The following ZNF787 variants were observed in gnomAD, a reference collection of about 807,000 sequenced individuals.
ZNF787 encodes TTF-I-interacting peptide 20.
In ZNF787, 7 loss-of-function variants were observed where a neutral mutation model predicts 16.9. The observed-to-expected ratio is 0.42, with a 90% CI of 0.24 to 0.78. The LOEUF (loss-of-function observed/expected upper bound fraction) is 0.78, where lower values mean the gene tolerates loss of function less well. ZNF787 is among the 30% of genes least tolerant of loss of function. The pLI, the probability that ZNF787 is intolerant of heterozygous loss-of-function variation, is 0.30. For missense variants in ZNF787, 551 were observed against 589.3 expected (o/e 0.94, Z 0.67); for synonymous variants, 345 against 270.9 (o/e 1.27, Z -2.69).
chr19:56,095,910 C>G (rs958374739), intron 2 of ZNF787, among the ~76,000 whole-genome samples: 1 of 152,194 alleles, frequency 6.6e-6, no homozygotes, highest in South Asian at 2.1e-4. Flanking sequence ...ATGCTAACAC[C>G]ACACAGGCCT....
At chr19:56,106,280 G>C (rs1458623029) in intron 1 of ZNF787, among the ~76,000 whole-genome samples, 1 of 152,196 alleles carries the variant, frequency 6.6e-6, no homozygotes, top group East Asian at 1.9e-4. Flanking sequence ...CTCCTCTCTC[G>C]GGCTGAACCC....
intron 2 of ZNF787, among the ~76,000 whole-genome samples, chr19:56,093,138 CAG>C (rs143321570): frequency 0.016 from 2,471 of 150,208 alleles, 67 homozygotes; most frequent in African/African-American, 0.057. Context: ...TCCATAGACA[CAG>C]GGGATGGCGG....
chr19:56,118,156 A>C (rs1323646495), intron 1 of ZNF787, among the ~76,000 whole-genome samples: 1 of 152,252 alleles, frequency 6.6e-6, no homozygotes, highest in African/African-American at 2.4e-5. Context: ...GGACAGGGCC[A>C]CTGACACTGG....
At chr19:56,120,996 C>T (rs1186156189) in intron 1 of ZNF787, among the ~76,000 whole-genome samples, 176 bp downstream of exon 1, 1 of 143,078 alleles carries the variant, frequency 7.0e-6, no homozygotes, top group Non-Finnish European at 1.5e-5. Flanking sequence ...GCACTCCCCC[C>T]GCCCGCGTCA....
At chr19:56,101,022 A>T (rs1986076591) in intron 2 of ZNF787, among the ~76,000 whole-genome samples, 1 of 121,358 alleles carries the variant, frequency 8.2e-6, no homozygotes, top group Admixed American at 8.4e-5. Context: ...CTCCACCCCC[A>T]CCTACGAAGT....
chr19:56,103,248 A>G, intron 1 of ZNF787, 21 bp from the exon 2 acceptor site: 1 of 1,526,986 alleles, frequency 6.5e-7, no homozygotes, highest in South Asian at 1.3e-5. Context: ...GGGATGAGAC[A>G]GAAGGACAGA....
intron 1 of ZNF787, among the ~76,000 whole-genome samples, chr19:56,113,698 C>CAGGG (rs1298854156): frequency 6.6e-6 from 1 of 151,940 alleles, no homozygotes; most frequent in East Asian, 1.9e-4. Context: ...CGCAGGGAGG[C>CAGGG]AGGGAGGCAG....
chr19:56,109,841 G>A (rs907638317), intron 1 of ZNF787, among the ~76,000 whole-genome samples: 2 of 151,900 alleles, frequency 1.3e-5, no homozygotes, highest in African/African-American at 2.4e-5. Context: ...CCGAGATCAC[G>A]CCACTGCACT....
chr19:56,103,395 T>C, intron 1 of ZNF787, 168 bp from the exon 2 acceptor site: 1 of 550,140 alleles, frequency 1.8e-6, no homozygotes, highest in Non-Finnish European at 3.0e-6. Flanking sequence ...GGAGCTAGCC[T>C]GGCCGCTCCC....
intron 1 of ZNF787, among the ~76,000 whole-genome samples, chr19:56,111,584 G>C (rs1005410606): frequency 6.6e-6 from 1 of 152,026 alleles, no homozygotes; most frequent in African/African-American, 2.4e-5. Flanking sequence ...GCCGGGGGCA[G>C]CAGAGGAGGG....
Position 56,100,863 on chromosome 19 carries a change from T to C in ZNF787, c.79+2276A>G, listed in dbSNP as rs138704347. 9.4e-3 allele frequency among the ~76,000 whole-genome samples: 1,113 copies of C among 118,570 alleles called. 95 individuals are homozygous for C. Among genetic ancestry groups the C allele is most frequent in the African/African-American group, 0.035 (1,027 of 29,516 alleles). 77.8% of individuals were successfully genotyped at this position (118,570 alleles called of 152,430 possible). On this transcript the variant is annotated intron_variant, in intron 2 of 2. Transcript: ENST00000610935. The stretch of plus-strand genomic sequence containing the variant: ...ACCTACGATGTCTGTCACTGTCACA[T>C]AGGAGGGACGCATGTAGGCGGGACT...
Position 56,088,389 on chromosome 19 carries a change from G to A in ZNF787, c.783C>T (p.Gly261=), listed in dbSNP as rs1420983621. The A allele has an allele frequency of 1.3e-5, 14 of 1,100,714 alleles. No homozygotes were observed. The highest frequency in any genetic ancestry group is 5.4e-5 in the East Asian group (1 of 18,444). The allele number at this position is 1,100,714 out of a possible 1,614,324, so 68.2% of individuals were successfully genotyped here. A position where few individuals can be genotyped will look rare whatever the true frequency, so the allele number is the denominator to read the frequency against. ...GGGGCCCCGCGGCCTTTGCCCCCGCGCCCGCCATGGCTGCCGCGGCCGCGG... is the reference window on the plus strand; with the variant it reads ...GGGGCCCCGCGGCCTTTGCCCCCGCACCCGCCATGGCTGCCGCGGCCGCGG... The part of the protein sequence containing the change: ...EGAAAAAAMA[G]AGAKAAGPRS... The change falls in exon 3 of 3, where the codon GGC becomes GGT. Residue 261 remains glycine, a synonymous_variant. Transcript: ENST00000610935. This position sits in a 1 kb window ranked among gnomAD's most constrained non-coding sequence, Gnocchi z 8.6.
chr19:56,102,367 T>C, intron 2 of ZNF787: 1 of 154,124 alleles, frequency 6.5e-6, no homozygotes, highest in Non-Finnish European at 1.4e-5. Context: ...GGGCCTGACA[T>C]GCAGACACAG....
intron 2 of ZNF787, among the ~76,000 whole-genome samples, chr19:56,099,033 C>T (rs982359680): frequency 6.6e-6 from 1 of 152,204 alleles, no homozygotes; most frequent in African/African-American, 2.4e-5. Context: ...AAGCGGCTCT[C>T]AGGAGAGAGG....
At chr19:56,089,162 C>A in intron 2 of ZNF787, 70 bp from the exon 3 acceptor site, 1 of 1,246,336 alleles carries the variant, frequency 8.0e-7, no homozygotes, top group Non-Finnish European at 1.1e-6. Context: ...TTGGCTGCTA[C>A]GCTGGCCTCG....
At chr19:56,112,707 TCCC>T (rs931393507) in intron 1 of ZNF787, among the ~76,000 whole-genome samples, 7 of 150,564 alleles carry the variant, frequency 4.6e-5, no homozygotes, top group Admixed American at 1.3e-4. Flanking sequence ...CTCCCTTCCT[TCCC>T]CCCAAGTCAT....
At chr19:56,094,065 C>T (rs1048097812) in intron 2 of ZNF787, among the ~76,000 whole-genome samples, 4 of 152,110 alleles carry the variant, frequency 2.6e-5, no homozygotes, top group African/African-American at 9.7e-5. Flanking sequence ...ACTTTGTCAC[C>T]CAGGCTGGAG....
chr19:56,090,661 A>G (rs1237388990), intron 2 of ZNF787, among the ~76,000 whole-genome samples: 1 of 152,196 alleles, frequency 6.6e-6, no homozygotes, highest in East Asian at 1.9e-4. Flanking sequence ...ATCTCTACTA[A>G]AAACACAAAA....
At chr19:56,120,736 TC>T (rs1299095348) in intron 1 of ZNF787, among the ~76,000 whole-genome samples, 2 of 146,098 alleles carry the variant, frequency 1.4e-5, no homozygotes, top group Non-Finnish European at 3.0e-5. Flanking sequence ...GGCCTCAACT[TC>T]CCCCCGAAGT....
Sources: gnomAD v4.1 joint callset for allele counts (sites outside exome capture counted in the v4.1 genomes callset) on GRCh38, gnomAD v4.1.1 for gene constraint, Gnocchi (gnomAD v3.1) non-coding constraint, MANE v1.5 for transcripts, NCBI Gene and HGNC (gene_info 2026-07-23, HGNC 2026-07-21) for gene names.